Variants in CSMD1 observed in about 807,000 individuals in gnomAD.
The protein encoded by CSMD1 is CUB and sushi domain-containing protein 1.
A neutral mutation model predicts 417.5 loss-of-function variants in CSMD1; 213 were observed. That is an observed-to-expected ratio of 0.51 (90% CI 0.46 to 0.57). CSMD1 has a LOEUF of 0.57. CSMD1 is among the 20% of genes least tolerant of loss of function. The pLI, the probability that CSMD1 is intolerant of heterozygous loss-of-function variation, is 0.00. For missense variants in CSMD1, 6,923 were observed against 4,529.7 expected, an observed-to-expected ratio of 1.53 and a Z score of -15.17; for synonymous variants, 2,862 against 1,736.8, an observed-to-expected ratio of 1.65 and a Z score of -16.11.
intron 3 of CSMD1, among the ~76,000 whole-genome samples, chr8:4,275,789 A>G (rs771468748): frequency 3.3e-5 from 5 of 152,240 alleles, no homozygotes; most frequent in African/African-American, 4.8e-5. Context: ...CTAAAATGCT[A>G]TAACTTTGGC....
At chr8:3,452,353 G>C (rs1585185538) in intron 12 of CSMD1, among the ~76,000 whole-genome samples, 1 of 152,170 alleles carries the variant, frequency 6.6e-6, no homozygotes, top group East Asian at 1.9e-4. Context: ...CCAACTCTAT[G>C]TTGAATAGCA....
intron 1 of CSMD1, among the ~76,000 whole-genome samples, chr8:4,779,006 G>A (rs535935823): frequency 6.6e-5 from 10 of 152,298 alleles, no homozygotes; most frequent in South Asian, 6.2e-4. Context: ...AACAGTATAG[G>A]TATGCAATGA....
chr8:4,283,083 T>G (rs548048896), intron 3 of CSMD1, among the ~76,000 whole-genome samples: 1 of 152,314 alleles, frequency 6.6e-6, no homozygotes, highest in East Asian at 1.9e-4. Context: ...AAGGTCAACA[T>G]CCTGTTTTTT....
chr8:4,088,911 CA>C (rs1442291191), intron 3 of CSMD1, among the ~76,000 whole-genome samples: 3 of 152,106 alleles, frequency 2.0e-5, no homozygotes, highest in African/African-American at 7.2e-5. Context: ...TTTTTATATT[CA>C]GCGAAAAAGC....
chr8:3,930,091 G>T (rs76363201), intron 5 of CSMD1, among the ~76,000 whole-genome samples: 1,954 of 150,456 alleles, frequency 0.013, 137 homozygotes, highest in African/African-American at 0.045. Flanking sequence ...TTCCTTGGAA[G>T]ATTATCTTTA....
intron 1 of CSMD1, among the ~76,000 whole-genome samples, chr8:4,958,139 A>G (rs7000866): frequency 0.76 from 110,997 of 146,886 alleles, 42,697 homozygotes; most frequent in Non-Finnish European, 0.87. Flanking sequence ...TCCTTAGAAC[A>G]TATGTTTCCC....
chr8:3,746,109 T>A (rs1797054125), intron 6 of CSMD1, among the ~76,000 whole-genome samples: 1 of 152,198 alleles, frequency 6.6e-6, no homozygotes, highest in South Asian at 2.1e-4. Context: ...GTCTGCAGAT[T>A]TGGCCAACGA....
chr8:3,322,756 G>C (rs73657811), intron 23 of CSMD1, among the ~76,000 whole-genome samples: 27,760 of 152,066 alleles, frequency 0.18, 3,517 homozygotes, highest in East Asian at 0.37. Context: ...ACGAGTACCC[G>C]TACTTAACCC....
chr8:3,300,422 T>A (rs12543442), intron 25 of CSMD1, among the ~76,000 whole-genome samples: 74,881 of 151,862 alleles, frequency 0.49, 20,776 homozygotes, highest in Non-Finnish European at 0.63. Flanking sequence ...CCATAAACCA[T>A]GCCAAAGAGC....
intron 3 of CSMD1, among the ~76,000 whole-genome samples, chr8:4,077,352 A>AT (rs200852231): frequency 1.5e-5 from 2 of 132,690 alleles, no homozygotes; most frequent in African/African-American, 2.9e-5. Flanking sequence ...TATAATTTAT[A>AT]TTTTTTATCA....
chr8:2,995,822 A>C (rs1192286360), intron 54 of CSMD1, among the ~76,000 whole-genome samples: 1 of 152,238 alleles, frequency 6.6e-6, no homozygotes, highest in Non-Finnish European at 1.5e-5. Flanking sequence ...ACATGATTTC[A>C]TTCATTTATA....
intron 28 of CSMD1, among the ~76,000 whole-genome samples, chr8:3,221,040 G>T (rs1266936440): frequency 6.6e-6 from 1 of 152,132 alleles, no homozygotes; most frequent in South Asian, 2.1e-4. Context: ...TGGTTTGTTT[G>T]TTTGTTTTGT....
At chr8:4,948,477 G>A (rs1808516478) in intron 1 of CSMD1, among the ~76,000 whole-genome samples, 1 of 151,748 alleles carries the variant, frequency 6.6e-6, no homozygotes, top group African/African-American at 2.4e-5. Context: ...CTTGATGTCT[G>A]CATTTATTTA....
intron 64 of CSMD1, among the ~76,000 whole-genome samples, chr8:2,955,364 A>T (rs1802924769): frequency 6.6e-6 from 1 of 152,202 alleles, no homozygotes. Context: ...CTAATTGCAT[A>T]CTAATTGTAC....
intron 2 of CSMD1, among the ~76,000 whole-genome samples, chr8:4,581,527 A>C (rs1264812567): frequency 2.0e-5 from 3 of 152,216 alleles, no homozygotes; most frequent in Non-Finnish European, 4.4e-5. Flanking sequence ...CATTATTTTA[A>C]ATACATAACA....
chr8:4,436,149 A>T (rs1395389169), intron 2 of CSMD1, among the ~76,000 whole-genome samples: 1 of 152,178 alleles, frequency 6.6e-6, no homozygotes, highest in Non-Finnish European at 1.5e-5. Context: ...GAAGTCATAG[A>T]TATTGAGAGA....
At chr8:4,091,690 A>G (rs556012948) in intron 3 of CSMD1, among the ~76,000 whole-genome samples, 5 of 152,178 alleles carry the variant, frequency 3.3e-5, no homozygotes, top group Non-Finnish European at 5.9e-5. Flanking sequence ...ATCTGTGAAG[A>G]CTTAGGAAAG....
At position 4,516,265 on chromosome 8, in the gene CSMD1, G is replaced by C. The variant is rs1319236404; in HGVS notation, c.303-96200C>G. On this transcript the variant is annotated intron_variant, in intron 2 of 69. Coordinates refer to ENST00000635120, the MANE Select transcript of CSMD1 (RefSeq NM_033225.6). Reference sequence around the variant, plus strand: ...GAAGGGGCCTTCTGCAAGCCAAGGAGGGGCCTCAGGAGAAACCAACCCCAC... The same window carrying C: ...GAAGGGGCCTTCTGCAAGCCAAGGACGGGCCTCAGGAGAAACCAACCCCAC... 2.6e-5 allele frequency among the ~76,000 whole-genome samples: 4 copies of C among 152,112 alleles called. No individual in the cohort carries two copies. In the East Asian group the frequency reaches 7.7e-4, roughly 29 times the overall value.
chr8:3,282,615 C>G (rs530320308), intron 26 of CSMD1, among the ~76,000 whole-genome samples: 1 of 152,206 alleles, frequency 6.6e-6, no homozygotes, highest in African/African-American at 2.4e-5. Flanking sequence ...ATAGTTGGAA[C>G]ACTCTTACTT....
Sources: gnomAD v4.1 joint callset for allele counts (sites outside exome capture counted in the v4.1 genomes callset) on GRCh38, gnomAD v4.1.1 for gene constraint, MANE v1.5 for transcripts, NCBI Gene and HGNC (gene_info 2026-07-23, HGNC 2026-07-21) for gene names.